Variants in GSG1L observed in about 807,000 individuals in gnomAD.
GSG1L encodes GSG1 like.
In GSG1L, 24 loss-of-function variants were observed where a neutral mutation model predicts 42.1. That is an observed-to-expected ratio of 0.57 (90% CI 0.41 to 0.80). The LOEUF (loss-of-function observed/expected upper bound fraction) is 0.80, where lower values mean the gene tolerates loss of function less well. Ranked by LOEUF, GSG1L falls within the 30% of genes least tolerant of loss-of-function variation. GSG1L has a pLI of 0.00. For missense variants in GSG1L, 445 were observed against 472.2 expected (o/e 0.94, Z 0.53); for synonymous variants, 215 against 203.5 (o/e 1.06, Z -0.48).
chr16:28,000,767 T>A (rs117484095), intron 1 of GSG1L, among the ~76,000 whole-genome samples: 2,138 of 152,248 alleles, frequency 0.014, 22 homozygotes, highest in Non-Finnish European at 0.022. Context: ...CCTTCCTGGA[T>A]ACATCTCTCC....
intron 3 of GSG1L, among the ~76,000 whole-genome samples, chr16:27,864,253 G>A (rs2083690132): frequency 6.6e-6 from 1 of 152,240 alleles, no homozygotes; most frequent in African/African-American, 2.4e-5. Flanking sequence ...GGGCTTTGGG[G>A]CCACCTCTGC....
Position 28,063,403 on chromosome 16 carries a change from G to C in GSG1L, c.22C>G (p.Arg8Gly), listed in dbSNP as rs1262428956. 3 of 1,323,914 alleles carry C rather than the reference G, an allele frequency of 2.3e-6. No individual in the cohort carries two copies. The highest frequency in any genetic ancestry group is 2.9e-6 in the Non-Finnish European group (3 of 1,028,824). 82.0% of individuals were successfully genotyped at this position (1,323,914 alleles called of 1,614,324 possible). Residue 8 changes from arginine (R) to glycine (G), a missense_variant, in exon 1 of 7, where the codon CGA becomes GGA. Arg to Gly is a moderately radical substitution (Grantham distance 125). Around this residue, in one of 3 missense-constraint regions of GSG1L, gnomAD observed 156 missense variants for 128.3 expected, o/e 1.22. Coordinates refer to ENST00000447459, the MANE Select transcript of GSG1L (RefSeq NM_001109763.2). This position sits in a 1 kb window ranked among gnomAD's most constrained non-coding sequence, Gnocchi z 5.8. MKTSRRG[R>G]ALLAVALNLL... Reference sequence around the variant, plus strand: ...TTCAGGGCCACGGCCAGGAGCGCTCGGCCGCGGCGGCTAGTCTTCATGCCG... The same window carrying C: ...TTCAGGGCCACGGCCAGGAGCGCTCCGCCGCGGCGGCTAGTCTTCATGCCG...
chr16:27,953,836 A>T (rs898281381), intron 2 of GSG1L, among the ~76,000 whole-genome samples: 1 of 152,144 alleles, frequency 6.6e-6, no homozygotes, highest in Non-Finnish European at 1.5e-5. Flanking sequence ...CAGAGATTGC[A>T]CCACCGCACT....
At chr16:27,978,761 T>G (rs889444549) in intron 1 of GSG1L, among the ~76,000 whole-genome samples, 1 of 147,654 alleles carries the variant, frequency 6.8e-6, no homozygotes, top group Non-Finnish European at 1.5e-5. Context: ...TAAATAATGG[T>G]TTTTTTTTTT....
chr16:27,858,410 A>G (rs1463217486), intron 3 of GSG1L, among the ~76,000 whole-genome samples: 1 of 152,246 alleles, frequency 6.6e-6, no homozygotes, highest in East Asian at 1.9e-4. Flanking sequence ...CAACTCAGCC[A>G]GGGTAACACA....
chr16:27,851,092 G>A (rs1411520593), intron 3 of GSG1L, among the ~76,000 whole-genome samples: 1 of 152,218 alleles, frequency 6.6e-6, no homozygotes, highest in Non-Finnish European at 1.5e-5. Context: ...GCCAGAAGGT[G>A]CGAGGAGGTT....
chr16:27,886,712 A>G (rs2084035128), intron 2 of GSG1L, among the ~76,000 whole-genome samples: 4 of 152,210 alleles, frequency 2.6e-5, no homozygotes, highest in African/African-American at 7.2e-5. Flanking sequence ...GATTTCTGAA[A>G]GAAAAAGTAG....
intron 5 of GSG1L, among the ~76,000 whole-genome samples, chr16:27,822,975 C>T (rs1342777306): frequency 6.6e-6 from 1 of 152,220 alleles, no homozygotes; most frequent in Admixed American, 6.5e-5. Flanking sequence ...CACAGTGCCA[C>T]ATTCCCAAGT....
chr16:27,919,946 T>G (rs1372970062), intron 2 of GSG1L, among the ~76,000 whole-genome samples: 1 of 152,176 alleles, frequency 6.6e-6, no homozygotes, highest in African/African-American at 2.4e-5. Flanking sequence ...TTGATGAGGA[T>G]CTATCCCATC....
At chr16:27,822,144 A>C (rs372134733) in intron 5 of GSG1L, among the ~76,000 whole-genome samples, 2 of 152,062 alleles carry the variant, frequency 1.3e-5, no homozygotes, top group African/African-American at 4.8e-5. Flanking sequence ...CCAGAAACAT[A>C]ATTGTATCAT....
intron 4 of GSG1L, among the ~76,000 whole-genome samples, chr16:27,834,523 G>A (rs2083303374): frequency 6.6e-6 from 1 of 151,570 alleles, no homozygotes; most frequent in Non-Finnish European, 1.5e-5. Flanking sequence ...ATATTTGGTG[G>A]AATGTTCCAG....
chr16:27,939,779 T>C (rs1252903474), intron 2 of GSG1L, among the ~76,000 whole-genome samples: 1 of 152,218 alleles, frequency 6.6e-6, no homozygotes, highest in Non-Finnish European at 1.5e-5. Flanking sequence ...ACTTCATGCA[T>C]CACCAAAATT....
At chr16:27,834,263 T>G (rs950293521) in intron 4 of GSG1L, among the ~76,000 whole-genome samples, 1 of 152,166 alleles carries the variant, frequency 6.6e-6, no homozygotes, top group Non-Finnish European at 1.5e-5. Context: ...TTTCAAATAT[T>G]GAAGCAGCCA....
chr16:27,949,442 T>C (rs2084926752), intron 2 of GSG1L, among the ~76,000 whole-genome samples: 1 of 152,116 alleles, frequency 6.6e-6, no homozygotes, highest in African/African-American at 2.4e-5. Flanking sequence ...AGCCCTTCGT[T>C]GAAAGATTAT....
rs1484506883 is a variant in GSG1L, at chr16:27,865,521, T to A, written c.550+18965A>T. On this transcript the variant is annotated intron_variant, in intron 3 of 6. Transcript: ENST00000447459. Reference sequence around the variant, plus strand: ...GACGCTTCTTTCTTTCTCTCTCTCTTTCTATATATATATATATATATATAT... The same window carrying A: ...GACGCTTCTTTCTTTCTCTCTCTCTATCTATATATATATATATATATATAT... 2.2e-4 allele frequency among the ~76,000 whole-genome samples: 15 copies of A among 68,842 alleles called. No homozygotes were observed. In the East Asian group the frequency reaches 6.2e-3, roughly 28 times the overall value. The allele number at this position is 68,842 out of a possible 152,430, so 45.2% of individuals were successfully genotyped here. A position where few individuals can be genotyped will look rare whatever the true frequency, so the allele number is the denominator to read the frequency against.
At chr16:28,009,346 C>A (rs897186459) in intron 1 of GSG1L, among the ~76,000 whole-genome samples, 10 of 152,098 alleles carry the variant, frequency 6.6e-5, no homozygotes, top group Non-Finnish European at 2.9e-5. Flanking sequence ...TCCTGACCCC[C>A]CATTATAAAA....
chr16:27,802,973 A>C (rs2082900639), intron 6 of GSG1L, among the ~76,000 whole-genome samples: 1 of 151,378 alleles, frequency 6.6e-6, no homozygotes, highest in East Asian at 1.9e-4. Context: ...CCACCCTTTT[A>C]AGCTCCCCTC....
intron 3 of GSG1L, among the ~76,000 whole-genome samples, chr16:27,871,845 T>C (rs2083825772): frequency 6.6e-6 from 1 of 152,136 alleles, no homozygotes; most frequent in Non-Finnish European, 1.5e-5. Flanking sequence ...ATTGATGGAA[T>C]AGAAAATAGA....
intron 2 of GSG1L, among the ~76,000 whole-genome samples, chr16:27,940,417 G>A (rs1596630177): frequency 1.4e-5 from 2 of 144,214 alleles, no homozygotes; most frequent in East Asian, 2.0e-4. Context: ...TGTTTATTGC[G>A]GCACTATTCA....
Sources: allele counts gnomAD v4.1 joint callset (sites outside exome capture counted in the v4.1 genomes callset), GRCh38; gene constraint gnomAD v4.1.1; regional missense constraint gnomAD v4.1.1; non-coding constraint Gnocchi (gnomAD v3.1); transcripts MANE v1.5; gene names NCBI Gene and HGNC (gene_info 2026-07-23, HGNC 2026-07-21).